Variants in XKR4 observed in about 807,000 individuals in gnomAD.
XKR4 encodes XK-related protein 4.
In XKR4, 12 loss-of-function variants were observed where a neutral mutation model predicts 53.9. The ratio of observed to expected loss-of-function variants is 0.22; its 90% CI spans 0.14 to 0.36. XKR4 has a LOEUF of 0.36. Among genes scored for constraint, XKR4 ranks in the 10% least tolerant of loss-of-function variants. The pLI is 1.00. For synonymous variants in XKR4, 354 were observed against 362.4 expected, an observed-to-expected ratio of 0.98 and a Z score of 0.26; for missense variants, 799 against 859.5, an observed-to-expected ratio of 0.93 and a Z score of 0.88.
chr8:55,142,798 GT>G (rs1333891760), intron 1 of XKR4, among the ~76,000 whole-genome samples: 1 of 152,234 alleles, frequency 6.6e-6, no homozygotes, highest in Non-Finnish European at 1.5e-5. Flanking sequence ...TATGCGTGAT[GT>G]GTAACATACG....
At chr8:55,487,000 T>C (rs1178700235) in intron 2 of XKR4, among the ~76,000 whole-genome samples, 1 of 152,182 alleles carries the variant, frequency 6.6e-6, no homozygotes, top group East Asian at 1.9e-4. Context: ...TATAGAGATA[T>C]GAGAGGGGAT....
In XKR4 at chr8:55,524,244, G is replaced by A. The variant is rs1363325877; in HGVS notation, c.*17G>A. ...ACTTTATAAAGCAAAAGGAGTTGCA[G>A]GACCCACAACATCCAGATGAAGGGG... On this transcript the variant is annotated 3_prime_UTR_variant, in exon 3 of 3. Coordinates refer to ENST00000327381, the MANE Select transcript of XKR4 (RefSeq NM_052898.2). 1 of 1,599,992 alleles carries A rather than the reference G, an allele frequency of 6.3e-7. No homozygotes were observed. Among genetic ancestry groups the A allele is most frequent in the Admixed American group, 1.7e-5 (1 of 59,272 alleles).
At chr8:55,192,382 G>A (rs1817455615) in intron 1 of XKR4, among the ~76,000 whole-genome samples, 1 of 151,768 alleles carries the variant, frequency 6.6e-6, no homozygotes, top group South Asian at 2.1e-4. Flanking sequence ...AACAAAATTT[G>A]GGGCTATTTT....
intron 1 of XKR4, among the ~76,000 whole-genome samples, chr8:55,168,100 A>G (rs572504402): frequency 2.5e-4 from 38 of 152,212 alleles, no homozygotes; most frequent in Non-Finnish European, 5.0e-4. Context: ...AATAATAATC[A>G]TTGTTTAAGA....
At chr8:55,441,054 C>T (rs1425507971) in intron 2 of XKR4, among the ~76,000 whole-genome samples, 1 of 118,220 alleles carries the variant, frequency 8.5e-6, no homozygotes, top group African/African-American at 3.8e-5. Context: ...ACAATGACAC[C>T]TCATCTCTAC....
At chr8:55,507,831 C>A (rs142556808) in intron 2 of XKR4, among the ~76,000 whole-genome samples, 1 of 152,034 alleles carries the variant, frequency 6.6e-6, no homozygotes, top group Non-Finnish European at 1.5e-5. Flanking sequence ...GTCTTTATAG[C>A]GGCATGATTT....
intron 1 of XKR4, among the ~76,000 whole-genome samples, chr8:55,323,667 T>A (rs1355941672): frequency 1.3e-5 from 2 of 152,220 alleles, no homozygotes; most frequent in Non-Finnish European, 2.9e-5. Context: ...TATGTGCAGG[T>A]TTGTATATAA....
intron 2 of XKR4, among the ~76,000 whole-genome samples, chr8:55,513,196 C>G (rs1057245057): frequency 3.9e-5 from 6 of 152,208 alleles, no homozygotes; most frequent in African/African-American, 1.4e-4. Context: ...AGAATTCACA[C>G]TTGATTACAG....
intron 2 of XKR4, among the ~76,000 whole-genome samples, chr8:55,478,002 C>A (rs1806027681): frequency 6.6e-6 from 1 of 152,124 alleles, no homozygotes; most frequent in Non-Finnish European, 1.5e-5. Context: ...TCCAGGAGAA[C>A]TTCCCCAATC....
intron 1 of XKR4, among the ~76,000 whole-genome samples, chr8:55,297,889 A>G (rs1819122808): frequency 6.6e-6 from 1 of 152,216 alleles, no homozygotes; most frequent in African/African-American, 2.4e-5. Context: ...ACACATATTT[A>G]CTATAGTAAA....
chr8:55,372,110 A>G (rs1327564825), intron 2 of XKR4, among the ~76,000 whole-genome samples: 1 of 152,166 alleles, frequency 6.6e-6, no homozygotes, highest in Non-Finnish European at 1.5e-5. Context: ...TGCTATGGCT[A>G]TGGGAAGAGG....
At chr8:55,359,445 G>A (rs1803868693) in intron 2 of XKR4, among the ~76,000 whole-genome samples, 1 of 152,176 alleles carries the variant, frequency 6.6e-6, no homozygotes, top group African/African-American at 2.4e-5. Context: ...CCAGGTATAT[G>A]TTTTAGGAAA....
Position 55,480,349 on chromosome 8 carries a change from T to C in XKR4, c.1007-42932T>C, listed in dbSNP as rs891050100. On this transcript the variant is annotated intron_variant, in intron 2 of 2. Transcript: ENST00000327381. ...AGAAAACGCCTTTGACAAAATTCAA[T>C]AACGCTTCATGCTAAAAACTCTCAA... Among the ~76,000 whole-genome samples, 27 of 152,244 alleles carry C rather than the reference T, an allele frequency of 1.8e-4. No individual in the cohort carries two copies. The East Asian group carries it at 4.6e-3, about 26-fold the overall frequency.
intron 1 of XKR4, among the ~76,000 whole-genome samples, chr8:55,247,867 T>TCTTTCTTTCTTTCTTTCTTTCTTTC (rs1368785247): frequency 7.6e-5 from 2 of 26,420 alleles, no homozygotes; most frequent in Non-Finnish European, 5.1e-4. Context: ...TTTTTTTTTT[T>TCTTTCTTTCTTTCTTTCTTTCTTTC]TTTTTTTGAG....
At chr8:55,187,562 A>T (rs187118123) in intron 1 of XKR4, among the ~76,000 whole-genome samples, 364 of 152,338 alleles carry the variant, frequency 2.4e-3, no homozygotes, top group African/African-American at 8.2e-3. Flanking sequence ...ACTTGGTTTT[A>T]ACTGGCACAA....
At chr8:55,394,412 A>G (rs1290222960) in intron 2 of XKR4, among the ~76,000 whole-genome samples, 2 of 152,226 alleles carry the variant, frequency 1.3e-5, no homozygotes, top group Non-Finnish European at 2.9e-5. Context: ...GCCAAACCTC[A>G]TAGAGCTAAA....
chr8:55,454,566 C>A, intron 2 of XKR4: 1 of 1,441,438 alleles, frequency 6.9e-7, no homozygotes, highest in Admixed American at 2.0e-5. Context: ...GGGAGTCGGC[C>A]AGTGGAGTCT....
At chr8:55,403,793 C>T (rs975779774) in intron 2 of XKR4, among the ~76,000 whole-genome samples, 6 of 152,230 alleles carry the variant, frequency 3.9e-5, no homozygotes, top group Admixed American at 3.3e-4. Flanking sequence ...CTCTCCCTCA[C>T]TTATTCAACA....
At chr8:55,492,252 AT>A (rs1327679433) in intron 2 of XKR4, among the ~76,000 whole-genome samples, 4 of 152,202 alleles carry the variant, frequency 2.6e-5, no homozygotes, top group South Asian at 2.1e-4. Flanking sequence ...AAGGAAAAAA[AT>A]TCAGAACCGG....
Sources: allele counts gnomAD v4.1 joint callset (sites outside exome capture counted in the v4.1 genomes callset), GRCh38; gene constraint gnomAD v4.1.1; transcripts MANE v1.5; gene names NCBI Gene and HGNC (gene_info 2026-07-23, HGNC 2026-07-21).